ERBB4: variants seen among roughly 807,000 people sequenced by gnomAD.
ERBB4 encodes erb-b2 receptor tyrosine kinase 4.
Under a neutral mutation model 158.0 loss-of-function variants are expected in ERBB4, and 42 were observed. That is an observed-to-expected ratio of 0.27 (90% CI 0.21 to 0.34). The LOEUF (loss-of-function observed/expected upper bound fraction) is 0.34. ERBB4 is among the 10% of genes least tolerant of loss of function. The pLI, the probability that ERBB4 is intolerant of heterozygous loss-of-function variation, is 1.00. For synonymous variants in ERBB4, 583 were observed against 558.7 expected, an observed-to-expected ratio of 1.04 and a Z score of -0.61; for missense variants, 1,333 against 1,624.1, an observed-to-expected ratio of 0.82 and a Z score of 3.08.
intron 3 of ERBB4, among the ~76,000 whole-genome samples, chr2:211,813,875 C>A (rs1014104298): frequency 2.6e-5 from 4 of 152,022 alleles, no homozygotes; most frequent in Non-Finnish European, 4.4e-5. Context: ...ATTAGTAATT[C>A]TCTTTTAATT....
chr2:211,977,784 G>A (rs756190687), intron 2 of ERBB4, among the ~76,000 whole-genome samples: 16 of 148,158 alleles, frequency 1.1e-4, no homozygotes, highest in Non-Finnish European at 1.9e-4. Context: ...CCTGGGAGGC[G>A]GAGGTTGCAC....
chr2:212,475,824 C>T (rs1228718517), intron 1 of ERBB4, among the ~76,000 whole-genome samples: 5 of 151,944 alleles, frequency 3.3e-5, no homozygotes, highest in Non-Finnish European at 7.4e-5. Context: ...ATTACCAATT[C>T]TATATCCTAA....
intron 20 of ERBB4, among the ~76,000 whole-genome samples, chr2:211,524,101 T>G (rs574570791): frequency 6.6e-6 from 1 of 152,196 alleles, no homozygotes; most frequent in East Asian, 1.9e-4. Context: ...AACCTTGAGC[T>G]AGATACAGAG....
At chr2:211,970,121 CT>C (rs1210834101) in intron 2 of ERBB4, among the ~76,000 whole-genome samples, 1 of 152,066 alleles carries the variant, frequency 6.6e-6, no homozygotes, top group Non-Finnish European at 1.5e-5. Flanking sequence ...TCAAAAACTT[CT>C]TGAATTCTGC....
At chr2:211,513,713 G>GC (rs1428317966) in intron 20 of ERBB4, among the ~76,000 whole-genome samples, 7 of 151,942 alleles carry the variant, frequency 4.6e-5, no homozygotes, top group Middle Eastern at 3.4e-3. Flanking sequence ...TTTGGCAGGC[G>GC]CCCCCAACCC....
chr2:212,280,588 A>T lies in ERBB4; in HGVS notation c.83-155685T>A, dbSNP rs185146029. ...AGAGTTGCTCCTGAACATGCCTCAA[A>T]TGTCTTCTCTGCGTTTCTGTTGCTG... On this transcript the variant is annotated intron_variant, in intron 1 of 27. Transcript: ENST00000342788. Among the ~76,000 whole-genome samples the T allele has an allele frequency of 3.0e-3, 448 of 151,740 alleles. 1 individual carries two copies. The highest frequency in any genetic ancestry group is 3.9e-3 in the Non-Finnish European group (263 of 67,720).
intron 2 of ERBB4, among the ~76,000 whole-genome samples, chr2:212,044,618 A>C (rs1334696905): frequency 1.3e-5 from 2 of 152,164 alleles, no homozygotes; most frequent in Non-Finnish European, 2.9e-5. Context: ...TACATTCTGA[A>C]GACTGTATAA....
At chr2:211,456,051 C>T (rs190978634) in intron 20 of ERBB4, among the ~76,000 whole-genome samples, 7 of 152,222 alleles carry the variant, frequency 4.6e-5, no homozygotes, top group Non-Finnish European at 7.3e-5. Flanking sequence ...CATGTGCACC[C>T]GAACATACAA....
chr2:211,771,909 G>A (rs1175760892), intron 4 of ERBB4, among the ~76,000 whole-genome samples: 1 of 152,132 alleles, frequency 6.6e-6, no homozygotes, highest in Non-Finnish European at 1.5e-5. Flanking sequence ...AGTACCTGGT[G>A]TACAAGGCCA....
rs545420438 is a variant in ERBB4, at chr2:212,173,379, C to G, written c.83-48476G>C. On this transcript the variant is annotated intron_variant, in intron 1 of 27. Transcript: ENST00000342788. The stretch of plus-strand genomic sequence containing the variant: ...AAGCCCTGCAGCTAGGGAAGAGTAC[C>G]CCAGGCTGAGGGAGTAGCAAAGGCA... Among the ~76,000 whole-genome samples, 16 of 152,146 alleles carry G rather than the reference C, an allele frequency of 1.1e-4. No individual in the cohort carries two copies. The East Asian group carries it at 3.1e-3, about 29-fold the overall frequency.
chr2:211,980,699 A>G (rs1458486430), intron 2 of ERBB4, among the ~76,000 whole-genome samples: 1 of 152,154 alleles, frequency 6.6e-6, no homozygotes, highest in African/African-American at 2.4e-5. Context: ...AAACATTCCC[A>G]GAAAAAAATA....
intron 2 of ERBB4, among the ~76,000 whole-genome samples, chr2:212,104,605 A>T (rs998344263): frequency 6.6e-6 from 1 of 152,136 alleles, no homozygotes; most frequent in Non-Finnish European, 1.5e-5. Flanking sequence ...ACTGAGCCAC[A>T]TAGGAGTTAA....
rs1019858548 is a variant in ERBB4 at position 211,487,823 on chromosome 2, C to T, written c.2488-56723G>A. Among the ~76,000 whole-genome samples the T allele has an allele frequency of 2.6e-5, 4 of 152,156 alleles. No individual in the cohort carries two copies. In the East Asian group the frequency reaches 7.7e-4, roughly 29 times the overall value. ...GTTATGGAAAAGGAGAGGAGCTACACAATAACCACTGGCCAGAGTAATTAG... is the reference window on the plus strand; with the variant it reads ...GTTATGGAAAAGGAGAGGAGCTACATAATAACCACTGGCCAGAGTAATTAG... On this transcript the variant is annotated intron_variant, in intron 20 of 27. Transcript: ENST00000342788.
chr2:212,300,040 C>G (rs1223957914), intron 1 of ERBB4, among the ~76,000 whole-genome samples: 2 of 151,416 alleles, frequency 1.3e-5, no homozygotes, highest in Non-Finnish European at 3.0e-5. Context: ...ATCATTGAAG[C>G]AAAAATGAGA....
chr2:211,910,320 T>C (rs1241301783), intron 3 of ERBB4, among the ~76,000 whole-genome samples: 2 of 151,136 alleles, frequency 1.3e-5, no homozygotes, highest in South Asian at 4.2e-4. Context: ...CACTATGCCA[T>C]AAAACATAAT....
At position 212,321,778 on chromosome 2, in the gene ERBB4, C is replaced by A. The variant is rs183540929; in HGVS notation, c.83-196875G>T. Among the ~76,000 whole-genome samples, 59 of 150,122 alleles carry A rather than the reference C, an allele frequency of 3.9e-4. 2 individuals are homozygous for A. The highest frequency in any genetic ancestry group is 2.9e-3 in the Admixed American group (43 of 15,064). ...CTTAAATTTGAGAATCTTTGAAGTA[C>A]AATTAGGCATTAAAAACACCCCTGG... On this transcript the variant is annotated intron_variant, in intron 1 of 27. Transcript: ENST00000342788.
chr2:211,906,240 G>A (rs1431623711), intron 3 of ERBB4, among the ~76,000 whole-genome samples: 3 of 152,082 alleles, frequency 2.0e-5, no homozygotes, highest in Non-Finnish European at 2.9e-5. Flanking sequence ...GCAGAGACAT[G>A]TAGGATTCTG....
intron 1 of ERBB4, among the ~76,000 whole-genome samples, chr2:212,289,615 G>T (rs536332163): frequency 6.6e-6 from 1 of 152,224 alleles, no homozygotes; most frequent in South Asian, 2.1e-4. Flanking sequence ...TTTGCCTGAA[G>T]GAGAACAGAA....
At chr2:211,726,762 G>C (rs956885513) in intron 5 of ERBB4, among the ~76,000 whole-genome samples, 1 of 152,044 alleles carries the variant, frequency 6.6e-6, no homozygotes, top group Non-Finnish European at 1.5e-5. Context: ...GCTTGAACCT[G>C]TAAGCCAACG....
Sources: gnomAD v4.1 joint callset for allele counts (sites outside exome capture counted in the v4.1 genomes callset) on GRCh38, gnomAD v4.1.1 for gene constraint, MANE v1.5 for transcripts, NCBI Gene and HGNC (gene_info 2026-07-23, HGNC 2026-07-21) for gene names.